TBC1D19: variants seen among roughly 807,000 people sequenced by gnomAD.
The protein encoded by TBC1D19 is TBC1 domain family member 19.
TBC1D19 carries 60 observed loss-of-function variants against 89.0 expected under a neutral mutation model. That is an observed-to-expected ratio of 0.67 (90% CI 0.55 to 0.84). The LOEUF is 0.84. Among genes scored for constraint, TBC1D19 ranks in the 40% least tolerant of loss-of-function variants. TBC1D19 has a pLI of 0.00. For missense variants in TBC1D19, 500 were observed against 610.8 expected (o/e 0.82, Z 1.91); for synonymous variants, 189 against 199.7 (o/e 0.95, Z 0.45).
chr4:26,841,975 A>G, the TBC1D19 span, among the ~76,000 whole-genome samples: 3 of 152,236 alleles, frequency 2.0e-5, no homozygotes, highest in Non-Finnish European at 4.4e-5. Context: ...ATAGTGAATT[A>G]AAAACTCACC....
intron 13 of TBC1D19, among the ~76,000 whole-genome samples, chr4:26,692,822 G>T (rs1452001222): frequency 6.6e-6 from 1 of 152,174 alleles, no homozygotes; most frequent in African/African-American, 2.4e-5. Flanking sequence ...ACGTTTAATT[G>T]AATCAGACTG....
chr4:26,808,040 G>A, the TBC1D19 span, among the ~76,000 whole-genome samples: 3,262 of 152,288 alleles, frequency 0.021, 108 homozygotes, highest in African/African-American at 0.067. Context: ...CCAGAGCCCC[G>A]GCTCCCAGCC....
chr4:26,648,621 A>C (rs367869089), intron 7 of TBC1D19, among the ~76,000 whole-genome samples: 1 of 152,228 alleles, frequency 6.6e-6, no homozygotes, highest in Non-Finnish European at 1.5e-5. Context: ...TTCACATTTT[A>C]TCTCTTTACA....
intron 1 of TBC1D19, among the ~76,000 whole-genome samples, chr4:26,586,171 CTT>C (rs57229787): frequency 9.0e-4 from 47 of 52,234 alleles, no homozygotes; most frequent in African/African-American, 1.7e-3. Flanking sequence ...GCAAGGTAAG[CTT>C]TTTTTTTTTT....
At chr4:26,810,951 C>T in the TBC1D19 span, among the ~76,000 whole-genome samples, 1 of 152,138 alleles carries the variant, frequency 6.6e-6, no homozygotes, top group South Asian at 2.1e-4. Context: ...GTGTGGCAAT[C>T]CCTCAAAGAT....
chr4:26,799,683 A>C, the TBC1D19 span, among the ~76,000 whole-genome samples: 1 of 152,168 alleles, frequency 6.6e-6, no homozygotes, highest in Admixed American at 6.5e-5. Flanking sequence ...ATGTGAGGAC[A>C]CAGAAGGTGT....
the TBC1D19 span, among the ~76,000 whole-genome samples, chr4:26,779,249 C>T: frequency 3.0e-4 from 46 of 152,206 alleles, no homozygotes; most frequent in Non-Finnish European, 5.6e-4. Context: ...CAAATAGCAT[C>T]TAATCAAGGA....
chr4:26,818,880 G>T, the TBC1D19 span, among the ~76,000 whole-genome samples: 1 of 152,188 alleles, frequency 6.6e-6, no homozygotes, highest in East Asian at 1.9e-4. Flanking sequence ...TAAAATCAAG[G>T]ACATAACCAC....
chr4:26,651,519 T>C (rs983608082), intron 7 of TBC1D19, among the ~76,000 whole-genome samples: 8 of 152,176 alleles, frequency 5.3e-5, no homozygotes, highest in African/African-American at 1.9e-4. Flanking sequence ...TGTTTATCTG[T>C]TATTGGTGTA....
At chr4:26,791,954 AAGATCAC>A in the TBC1D19 span, among the ~76,000 whole-genome samples, 1 of 152,198 alleles carries the variant, frequency 6.6e-6, no homozygotes, top group African/African-American at 2.4e-5. Context: ...GAGACTGGCT[AAGATCAC>A]AGATCAGAGC....
At chr4:26,711,922 T>C (rs1716220194) in intron 13 of TBC1D19, among the ~76,000 whole-genome samples, 1 of 152,066 alleles carries the variant, frequency 6.6e-6, no homozygotes, top group Non-Finnish European at 1.5e-5. Flanking sequence ...CTGTCTAACA[T>C]ACCACTTCTG....
At chr4:26,733,830 CA>C (rs1461066405) in intron 15 of TBC1D19, among the ~76,000 whole-genome samples, 1 of 152,090 alleles carries the variant, frequency 6.6e-6, no homozygotes, top group African/African-American at 2.4e-5. Context: ...AACAACTGTC[CA>C]AGAACACTGT....
At chr4:26,709,918 A>G (rs1716029826) in intron 13 of TBC1D19, among the ~76,000 whole-genome samples, 1 of 152,070 alleles carries the variant, frequency 6.6e-6, no homozygotes, top group African/African-American at 2.4e-5. Flanking sequence ...GCAGAGGCTT[A>G]GATCCCAAGC....
the TBC1D19 span, among the ~76,000 whole-genome samples, chr4:26,818,615 C>A: frequency 2.6e-5 from 4 of 152,156 alleles, no homozygotes; most frequent in Non-Finnish European, 5.9e-5. Context: ...AGTACAGATT[C>A]TTTACTCGTA....
intron 7 of TBC1D19, among the ~76,000 whole-genome samples, chr4:26,643,458 C>T (rs959181640): frequency 6.6e-6 from 1 of 152,042 alleles, no homozygotes; most frequent in African/African-American, 2.4e-5. Flanking sequence ...GCACTAAATG[C>T]CCACAAGAGA....
At chr4:26,596,504 G>C (rs1284213622) in intron 1 of TBC1D19, among the ~76,000 whole-genome samples, 2 of 150,898 alleles carry the variant, frequency 1.3e-5, no homozygotes, top group Non-Finnish European at 3.0e-5. Flanking sequence ...GAGTGTGTTT[G>C]AACAATTTTG....
intron 13 of TBC1D19, among the ~76,000 whole-genome samples, chr4:26,699,470 C>G (rs1369060325): frequency 6.6e-6 from 1 of 152,140 alleles, no homozygotes; most frequent in Non-Finnish European, 1.5e-5. Flanking sequence ...CCTCAAGGAT[C>G]TAGAACTAGA....
the TBC1D19 span, among the ~76,000 whole-genome samples, chr4:26,794,652 G>T: frequency 2.0e-5 from 3 of 152,110 alleles, no homozygotes; most frequent in Admixed American, 2.0e-4. Context: ...AACTAACATT[G>T]AAACAGACAG....
intron 19 of TBC1D19, among the ~76,000 whole-genome samples, chr4:26,750,630 A>G (rs1718897781): frequency 6.6e-6 from 1 of 152,212 alleles, no homozygotes; most frequent in African/African-American, 2.4e-5. Context: ...AATTAATAAA[A>G]ACGTTACTGA....
Sources: allele counts gnomAD v4.1 joint callset (sites outside exome capture counted in the v4.1 genomes callset), GRCh38; gene constraint gnomAD v4.1.1; transcripts MANE v1.5; gene names NCBI Gene and HGNC (gene_info 2026-07-23, HGNC 2026-07-21).